Variants in ABI2 observed in about 807,000 individuals in gnomAD.
ABI2 encodes abl interactor 2, also known as abelson interactor 2.
Under a neutral mutation model 59.2 loss-of-function variants are expected in ABI2, and 25 were observed. The ratio of observed to expected loss-of-function variants is 0.42; its 90% CI spans 0.31 to 0.59. The LOEUF is 0.59. Among genes scored for constraint, ABI2 ranks in the 20% least tolerant of loss-of-function variants. The probability of loss-of-function intolerance (pLI) is 0.14; values close to 1 mark genes in which losing one functional copy is unlikely to be tolerated. For synonymous variants in ABI2, 213 were observed against 235.5 expected (o/e 0.90, Z 0.87); for missense variants, 545 against 681.8 (o/e 0.80, Z 2.23).
chr2:203,408,303 C>T (rs2097519587), intron 9 of ABI2, among the ~76,000 whole-genome samples: 1 of 151,918 alleles, frequency 6.6e-6, no homozygotes, highest in Admixed American at 6.6e-5. Context: ...GCTGGGGTTA[C>T]AGGCACCTGC....
chr2:203,394,259 C>G (rs2153386204), intron 5 of ABI2: 1 of 159,664 alleles, frequency 6.3e-6, no homozygotes, highest in South Asian at 1.9e-4. Flanking sequence ...GGTTATAGAT[C>G]CTAAATCTAG....
At position 203,348,862 on chromosome 2, in the gene ABI2, T is replaced by A. The variant is rs185104206; in HGVS notation, c.118-18015T>A. Among the ~76,000 whole-genome samples, 44 of 152,166 alleles carry A rather than the reference T, an allele frequency of 2.9e-4. No individual in the cohort carries two copies. In the East Asian group the frequency reaches 3.9e-3, roughly 13 times the overall value. On this transcript the variant is annotated intron_variant, in intron 1 of 11. Coordinates refer to ENST00000261018, the MANE Select transcript of ABI2 (RefSeq NM_001375670.1). ...AATTTCTTTTATTTTTAATTAAAAA[T>A]TTTTTTAAAAAATAGTACAAAGCCC...
chr2:203,408,463 G>T (rs190625609), intron 9 of ABI2, among the ~76,000 whole-genome samples: 1 of 151,580 alleles, frequency 6.6e-6, no homozygotes, highest in Non-Finnish European at 1.5e-5. Flanking sequence ...GTGCCTGGCT[G>T]CTGGTGTACT....
intron 1 of ABI2, among the ~76,000 whole-genome samples, chr2:203,356,671 A>G (rs1004032899): frequency 6.6e-6 from 1 of 151,714 alleles, no homozygotes; most frequent in Non-Finnish European, 1.5e-5. Flanking sequence ...TTCCAGTCCA[A>G]ATTTTTAAAT....
chr2:203,422,839 A>G (rs1481307563), intron 11 of ABI2, among the ~76,000 whole-genome samples: 2 of 152,176 alleles, frequency 1.3e-5, no homozygotes, highest in African/African-American at 2.4e-5. Flanking sequence ...GGTTTAACCA[A>G]CTCTTCATTG....
At chr2:203,369,922 TTTTAC>T (rs1391368036) in intron 2 of ABI2, among the ~76,000 whole-genome samples, 1 of 152,188 alleles carries the variant, frequency 6.6e-6, no homozygotes, top group Admixed American at 6.5e-5. Context: ...AATTTTTTTT[TTTTAC>T]TTGTGTTTAC....
At chr2:203,334,615 C>G (rs947923721) in intron 1 of ABI2, among the ~76,000 whole-genome samples, 2 of 151,948 alleles carry the variant, frequency 1.3e-5, no homozygotes, top group African/African-American at 4.8e-5. Context: ...AGTCTAGACA[C>G]CATTTGACTC....
At chr2:203,373,114 C>T (rs1340793768) in intron 2 of ABI2, among the ~76,000 whole-genome samples, 1 of 152,138 alleles carries the variant, frequency 6.6e-6, no homozygotes, top group Non-Finnish European at 1.5e-5. Flanking sequence ...AGGCAGGCGG[C>T]TGGGAGGTGG....
chr2:203,378,164 G>C (rs1463262970), intron 2 of ABI2, among the ~76,000 whole-genome samples: 1 of 150,742 alleles, frequency 6.6e-6, no homozygotes, highest in Admixed American at 6.6e-5. Context: ...CCAGGCTGGA[G>C]TGCAGTGGCA....
chr2:203,334,971 T>G (rs186134130), intron 1 of ABI2, among the ~76,000 whole-genome samples: 2 of 152,250 alleles, frequency 1.3e-5, no homozygotes, highest in East Asian at 1.9e-4. Context: ...AGTTGTAGAC[T>G]TTTGATAGCT....
At chr2:203,375,156 G>T (rs1000296517) in intron 2 of ABI2, among the ~76,000 whole-genome samples, 1 of 152,218 alleles carries the variant, frequency 6.6e-6, no homozygotes, top group African/African-American at 2.4e-5. Context: ...CAATATCAGT[G>T]AGAAGGATGG....
intron 1 of ABI2, among the ~76,000 whole-genome samples, chr2:203,365,170 T>C (rs1241014460): frequency 1.3e-5 from 2 of 152,230 alleles, no homozygotes; most frequent in Non-Finnish European, 2.9e-5. Context: ...GGTTATCATT[T>C]TGGAGCTTAC....
chr2:203,341,243 CTTAT>C (rs2079738825), intron 1 of ABI2, among the ~76,000 whole-genome samples: 1 of 152,096 alleles, frequency 6.6e-6, no homozygotes, highest in South Asian at 2.1e-4. Flanking sequence ...TACAGTGTTT[CTTAT>C]TTATTTGTGT....
At chr2:203,393,438 A>T (rs550400597) in intron 5 of ABI2, among the ~76,000 whole-genome samples, 1 of 152,348 alleles carries the variant, frequency 6.6e-6, no homozygotes, top group Non-Finnish European at 1.5e-5. Flanking sequence ...TTATTGTTTA[A>T]TATTTGCATT....
chr2:203,418,373 C>T (rs2098008732), intron 11 of ABI2, among the ~76,000 whole-genome samples: 1 of 152,226 alleles, frequency 6.6e-6, no homozygotes, highest in African/African-American at 2.4e-5. Context: ...CTTCACACGG[C>T]TGCAATCAAG....
chr2:203,356,550 G>C (rs890041268), intron 1 of ABI2, among the ~76,000 whole-genome samples: 2 of 151,962 alleles, frequency 1.3e-5, no homozygotes, highest in African/African-American at 2.4e-5. Context: ...TTGTATTTTA[G>C]TAGAGACGGG....
At chr2:203,400,486 AGATT>A (rs1266801142) in intron 8 of ABI2, among the ~76,000 whole-genome samples, 6 of 152,222 alleles carry the variant, frequency 3.9e-5, no homozygotes, top group African/African-American at 1.4e-4. Flanking sequence ...AGTTTGCTAT[AGATT>A]AATTACTGAA....
At chr2:203,413,078 C>T (rs1437684499) in intron 10 of ABI2, among the ~76,000 whole-genome samples, 2 of 152,088 alleles carry the variant, frequency 1.3e-5, no homozygotes, top group East Asian at 1.9e-4. Context: ...GATGAGTGTA[C>T]ACCTTAGAGA....
At chr2:203,425,944 C>T (rs1188884918) in intron 11 of ABI2, among the ~76,000 whole-genome samples, 1 of 151,300 alleles carries the variant, frequency 6.6e-6, no homozygotes, top group Non-Finnish European at 1.5e-5. Flanking sequence ...TCGCTTGAAC[C>T]TGGGACATGG....
Sources: allele counts gnomAD v4.1 joint callset (sites outside exome capture counted in the v4.1 genomes callset), GRCh38; gene constraint gnomAD v4.1.1; transcripts MANE v1.5; gene names NCBI Gene and HGNC (gene_info 2026-07-23, HGNC 2026-07-21).